STPG2: variants seen among roughly 807,000 people sequenced by gnomAD.
The protein encoded by STPG2 is sperm-tail PG-rich repeat-containing protein 2.
Under a neutral mutation model 54.2 loss-of-function variants are expected in STPG2, and 56 were observed. That is an observed-to-expected ratio of 1.03 (90% CI 0.83 to 1.29). The LOEUF (loss-of-function observed/expected upper bound fraction) is 1.29. Among genes scored for constraint, STPG2 ranks in the 50% most tolerant of loss-of-function variants. STPG2 has a pLI of 0.00. For missense variants in STPG2, 596 were observed against 544.9 expected (o/e 1.09, Z -0.93); for synonymous variants, 200 against 181.8 (o/e 1.10, Z -0.81).
intron 5 of STPG2, among the ~76,000 whole-genome samples, chr4:98,065,162 G>T (rs1008046261): frequency 2.0e-5 from 3 of 152,066 alleles, no homozygotes; most frequent in Admixed American, 6.6e-5. Flanking sequence ...CCATAAAAAA[G>T]AGAATAAATG....
At chr4:97,613,635 T>C (rs1733788298) in intron 10 of STPG2, among the ~76,000 whole-genome samples, 1 of 151,984 alleles carries the variant, frequency 6.6e-6, no homozygotes, top group Non-Finnish European at 1.5e-5. Context: ...AATTTATCTC[T>C]TCTGCTTCAT....
At chr4:97,970,009 C>A (rs2149255338) in intron 7 of STPG2, among the ~76,000 whole-genome samples, 1 of 152,276 alleles carries the variant, frequency 6.6e-6, no homozygotes, top group South Asian at 2.1e-4. Flanking sequence ...TTCTTATACA[C>A]CAATAACAGA....
intron 4 of STPG2, among the ~76,000 whole-genome samples, chr4:97,461,494 T>C (rs1462433300): frequency 6.6e-6 from 1 of 152,200 alleles, no homozygotes; most frequent in Non-Finnish European, 1.5e-5. Context: ...TAGCTTTCTT[T>C]TCATCATGTG....
intron 5 of STPG2, among the ~76,000 whole-genome samples, chr4:98,099,766 A>G (rs188245404): frequency 1.2e-3 from 185 of 152,292 alleles, no homozygotes; most frequent in Non-Finnish European, 2.1e-3. Context: ...TGTACCTGCA[A>G]AGTTTAAAAA....
chr4:97,680,067 T>G (rs546099466), intron 10 of STPG2, among the ~76,000 whole-genome samples: 1 of 152,200 alleles, frequency 6.6e-6, no homozygotes, highest in East Asian at 1.9e-4. Flanking sequence ...GTGTGATGCC[T>G]CCAGCTTTGT....
chr4:97,634,304 A>G (rs1451901727), intron 10 of STPG2, among the ~76,000 whole-genome samples: 7 of 152,134 alleles, frequency 4.6e-5, no homozygotes, highest in Non-Finnish European at 8.8e-5. Flanking sequence ...AGGAAAACTA[A>G]CAAACAGAAA....
intron 8 of STPG2, among the ~76,000 whole-genome samples, chr4:97,908,092 T>A (rs113026768): frequency 5.3e-5 from 8 of 151,206 alleles, no homozygotes; most frequent in Non-Finnish European, 1.2e-4. Context: ...ACCTACAAAA[T>A]GGGAGAAAAT....
chr4:98,009,097 A>G (rs1049168760), intron 5 of STPG2, among the ~76,000 whole-genome samples: 1 of 151,552 alleles, frequency 6.6e-6, no homozygotes, highest in Non-Finnish European at 1.5e-5. Flanking sequence ...ATTTTCATTT[A>G]TCCTTTCTAT....
chr4:97,441,393 G>C (rs567474832), intron 4 of STPG2: 1 of 151,950 alleles, frequency 6.6e-6, no homozygotes, highest in African/African-American at 2.4e-5. Context: ...ATATAAGAAC[G>C]TATTTTTTAT....
intron 5 of STPG2, chr4:98,026,312 G>A: frequency 1.6e-6 from 1 of 612,126 alleles, no homozygotes; most frequent in Non-Finnish European, 2.9e-6. Context: ...GACAATAAAA[G>A]TATGGACAGA....
intron 1 of STPG2, among the ~76,000 whole-genome samples, chr4:98,138,952 A>T (rs942827845): frequency 8.5e-5 from 13 of 152,216 alleles, no homozygotes; most frequent in Non-Finnish European, 1.5e-4. Flanking sequence ...CCTTGGCACG[A>T]TAATGCCAGG....
rs573186471 is a variant in STPG2 at position 98,035,199 on chromosome 4, T to C, written c.613-53881A>G. 7.2e-5 allele frequency among the ~76,000 whole-genome samples: 11 copies of C among 152,186 alleles called. No individual in the cohort carries two copies. The South Asian group carries it at 1.7e-3, about 23-fold the overall frequency. On this transcript the variant is annotated intron_variant, in intron 5 of 10. Coordinates refer to ENST00000295268, the MANE Select transcript of STPG2 (RefSeq NM_174952.3). ...GGAGAAAAATTCTGCAATCTCTCCA[T>C]CTGAAAAAGGGCTAAGATCCAGAAT...
At chr4:97,865,907 G>A (rs1459246077) in intron 8 of STPG2, among the ~76,000 whole-genome samples, 1 of 151,706 alleles carries the variant, frequency 6.6e-6, no homozygotes, top group African/African-American at 2.4e-5. Flanking sequence ...TGGAATACTA[G>A]GTAGCCATAA....
At chr4:97,886,749 T>A (rs1730584069) in intron 8 of STPG2, among the ~76,000 whole-genome samples, 1 of 152,228 alleles carries the variant, frequency 6.6e-6, no homozygotes, top group Non-Finnish European at 1.5e-5. Context: ...TGGATCTGTG[T>A]CACTGCCCAA....
At chr4:97,569,661 T>C (rs1391010585) in intron 10 of STPG2, among the ~76,000 whole-genome samples, 1 of 152,118 alleles carries the variant, frequency 6.6e-6, no homozygotes, top group Non-Finnish European at 1.5e-5. Context: ...AGTAAATAGC[T>C]AATAATATAA....
chr4:97,914,518 A>G (rs1470785443), intron 8 of STPG2, among the ~76,000 whole-genome samples: 3 of 152,256 alleles, frequency 2.0e-5, no homozygotes, highest in Admixed American at 1.3e-4. Flanking sequence ...TTGCATAACC[A>G]TAACCACCAC....
At chr4:97,523,589 A>C (rs1418322693) in intron 4 of STPG2, among the ~76,000 whole-genome samples, 1 of 151,916 alleles carries the variant, frequency 6.6e-6, no homozygotes, top group African/African-American at 2.4e-5. Flanking sequence ...ATTAGAAAAA[A>C]ATGTTTATAA....
At chr4:97,882,524 C>A (rs1730415345) in intron 8 of STPG2, among the ~76,000 whole-genome samples, 2 of 152,106 alleles carry the variant, frequency 1.3e-5, no homozygotes, top group Non-Finnish European at 2.9e-5. Context: ...CAGCCAGATA[C>A]CCAAGGTCAT....
intron 9 of STPG2, among the ~76,000 whole-genome samples, chr4:97,815,301 G>A (rs1044470929): frequency 4.6e-5 from 7 of 152,074 alleles, no homozygotes; most frequent in Admixed American, 3.9e-4. Flanking sequence ...AAAGGCTTGG[G>A]ACTGAAAATG....
Sources: allele counts gnomAD v4.1 joint callset (sites outside exome capture counted in the v4.1 genomes callset), GRCh38; gene constraint gnomAD v4.1.1; transcripts MANE v1.5; gene names NCBI Gene and HGNC (gene_info 2026-07-23, HGNC 2026-07-21).